Variants in RNLS observed in about 807,000 individuals in gnomAD.
RNLS encodes renalase.
RNLS carries 39 observed loss-of-function variants against 39.8 expected under a neutral mutation model. The observed-to-expected ratio is 0.98, with a 90% CI of 0.76 to 1.28. The LOEUF (loss-of-function observed/expected upper bound fraction) is 1.28, where lower values mean the gene tolerates loss of function less well. RNLS is among the 50% of genes most tolerant of loss of function. The pLI, the probability that RNLS is intolerant of heterozygous loss-of-function variation, is 0.00. For synonymous variants in RNLS, 147 were observed against 150.7 expected (o/e 0.98, Z 0.18); for missense variants, 410 against 413.3 (o/e 0.99, Z 0.07).
rs1378335764 is a variant in RNLS, at chr10:88,469,015, AAT to A, written c.526+103886_526+103887del. ...TTGAAGAATATTTAATGTCAGGGAAAATAAATGTTCATGATACATTAAAAAAT... is the reference window on the plus strand; with the variant it reads ...TTGAAGAATATTTAATGTCAGGGAAAAAATGTTCATGATACATTAAAAAAT... On this transcript the variant is annotated intron_variant, in intron 4 of 6. Coordinates refer to ENST00000331772, the MANE Select transcript of RNLS (RefSeq NM_001031709.3). Among the ~76,000 whole-genome samples the A allele has an allele frequency of 5.9e-5, 9 of 152,346 alleles. No individual in the cohort carries two copies. In the East Asian group the frequency reaches 1.7e-3, roughly 29 times the overall value.
At chr10:88,370,743 G>C (rs188613710) in intron 4 of RNLS, among the ~76,000 whole-genome samples, 2 of 152,170 alleles carry the variant, frequency 1.3e-5, no homozygotes, top group African/African-American at 4.8e-5. Context: ...TGTAGAAATA[G>C]TGCTGAAAGT....
At chr10:88,207,656 T>C in the RNLS span, among the ~76,000 whole-genome samples, 1 of 152,268 alleles carries the variant, frequency 6.6e-6, no homozygotes, top group South Asian at 2.1e-4. Context: ...GGCTCAAAAA[T>C]TGAGCAGAGC....
chr10:88,391,033 T>C (rs1852166361), intron 4 of RNLS, among the ~76,000 whole-genome samples: 2 of 151,964 alleles, frequency 1.3e-5, no homozygotes, highest in African/African-American at 4.8e-5. Flanking sequence ...CTGAGAATTG[T>C]TAATCATTTT....
At chr10:88,507,611 G>A (rs1218637400) in intron 4 of RNLS, among the ~76,000 whole-genome samples, 1 of 152,050 alleles carries the variant, frequency 6.6e-6, no homozygotes, top group Admixed American at 6.6e-5. Flanking sequence ...CATCTGCACT[G>A]ATGAAAGAAT....
intron 4 of RNLS, among the ~76,000 whole-genome samples, chr10:88,475,578 C>T (rs1843769794): frequency 6.6e-6 from 1 of 152,118 alleles, no homozygotes; most frequent in Non-Finnish European, 1.5e-5. Flanking sequence ...AATGTCCTTT[C>T]AGTCTCTAAT....
intron 6 of RNLS, among the ~76,000 whole-genome samples, chr10:88,307,746 ATGC>A (rs1845034956): frequency 6.6e-6 from 1 of 152,208 alleles, no homozygotes; most frequent in Admixed American, 6.5e-5. Context: ...TAAAATGGCG[ATGC>A]TGCCCACAGC....
intron 4 of RNLS, among the ~76,000 whole-genome samples, chr10:88,411,532 T>G (rs1282408586): frequency 1.3e-5 from 2 of 152,046 alleles, no homozygotes; most frequent in African/African-American, 2.4e-5. Context: ...GTTTTTTTTT[T>G]TTCCACTTTT....
chr10:88,233,705 A>G, the RNLS span, among the ~76,000 whole-genome samples: 1 of 152,120 alleles, frequency 6.6e-6, no homozygotes, highest in African/African-American at 2.4e-5. Context: ...TCAGTTTTGG[A>G]CTTCAAGAGT....
the RNLS span, among the ~76,000 whole-genome samples, chr10:88,256,588 T>G: frequency 6.6e-6 from 1 of 152,220 alleles, no homozygotes; most frequent in Non-Finnish European, 1.5e-5. Flanking sequence ...AAACCCTCCC[T>G]CACAAACCTC....
chr10:88,442,061 C>T (rs1312739500), intron 4 of RNLS, among the ~76,000 whole-genome samples: 1 of 152,194 alleles, frequency 6.6e-6, no homozygotes, highest in African/African-American at 2.4e-5. Context: ...GGGAACATTT[C>T]TTTGGAATTT....
At chr10:88,302,600 G>A (rs1438341661) in intron 6 of RNLS, among the ~76,000 whole-genome samples, 1 of 152,108 alleles carries the variant, frequency 6.6e-6, no homozygotes, top group East Asian at 1.9e-4. Context: ...AAGTACAAAT[G>A]ACTGTGGTTT....
rs1173669323 is a variant in RNLS, at chr10:88,582,304, C to T, written c.122G>A (p.Gly41Glu). The change falls in exon 2 of 7, where the codon GGA becomes GAA. Residue 41 changes from glycine (G) to glutamate (E), a missense_variant. Coordinates refer to ENST00000331772, the MANE Select transcript of RNLS (RefSeq NM_001031709.3). The stretch of plus-strand genomic sequence containing the variant: ...AGGACTGCAGGCTGTAGTCATTCTT[C>T]CCCCTTGAATTAATCCACAGGAAAA... ...AVWDKAEDSG[G>E]RMTTACSPHN... The T allele has an allele frequency of 6.2e-7, 1 of 1,612,202 alleles. No homozygotes were observed. Among genetic ancestry groups the T allele is most frequent in the Admixed American group, 1.7e-5 (1 of 59,620 alleles).
intron 4 of RNLS, among the ~76,000 whole-genome samples, chr10:88,433,022 G>T (rs1380419822): frequency 1.3e-5 from 2 of 151,940 alleles, no homozygotes; most frequent in Admixed American, 1.3e-4. Flanking sequence ...TCAGGCAAAA[G>T]ATTAATAGCT....
At chr10:88,489,319 C>G (rs901266821) in intron 4 of RNLS, among the ~76,000 whole-genome samples, 2 of 152,166 alleles carry the variant, frequency 1.3e-5, no homozygotes, top group African/African-American at 4.8e-5. Flanking sequence ...TCTGAGAGGA[C>G]TGCTTTTGTC....
intron 4 of RNLS, among the ~76,000 whole-genome samples, chr10:88,524,998 T>TATATATACAC (rs1554919255): frequency 9.6e-6 from 1 of 104,472 alleles, no homozygotes; most frequent in African/African-American, 3.5e-5. Flanking sequence ...TATATATATA[T>TATATATACAC]ACACACACAC....
chr10:88,348,651 T>C (rs1201036930), intron 5 of RNLS, among the ~76,000 whole-genome samples: 1 of 152,228 alleles, frequency 6.6e-6, no homozygotes, highest in Non-Finnish European at 1.5e-5. Flanking sequence ...TCATGACTTA[T>C]ATGCATCTAT....
chr10:88,579,264 G>A (rs565136952), intron 3 of RNLS, among the ~76,000 whole-genome samples: 4 of 152,234 alleles, frequency 2.6e-5, no homozygotes, highest in African/African-American at 4.8e-5. Flanking sequence ...TTTCTTTATG[G>A]TTATAGGTCA....
intron 4 of RNLS, among the ~76,000 whole-genome samples, chr10:88,532,484 T>C (rs1847489182): frequency 1.3e-5 from 2 of 152,066 alleles, no homozygotes; most frequent in Non-Finnish European, 2.9e-5. Context: ...AAAGATTGGT[T>C]CCATTTGGGA....
Position 88,344,536 on chromosome 10 carries a change from G to A in RNLS, c.700+18016C>T, listed in dbSNP as rs189613679. Among the ~76,000 whole-genome samples, 3 of 151,686 alleles carry A rather than the reference G, an allele frequency of 2.0e-5. No homozygotes were observed. In the East Asian group the frequency reaches 5.8e-4, roughly 29 times the overall value. The stretch of plus-strand genomic sequence containing the variant: ...TTTGGCAAAAGCTCTTAAATCAGAG[G>A]GACTATAATCTTTATGATATTGTTA... On this transcript the variant is annotated intron_variant, in intron 5 of 6. Coordinates refer to ENST00000331772, the MANE Select transcript of RNLS (RefSeq NM_001031709.3).
Sources: allele counts gnomAD v4.1 joint callset (sites outside exome capture counted in the v4.1 genomes callset), GRCh38; gene constraint gnomAD v4.1.1; transcripts MANE v1.5; gene names NCBI Gene and HGNC (gene_info 2026-07-23, HGNC 2026-07-21).